The following ZNF423 variants were observed in gnomAD, a reference collection of about 807,000 sequenced individuals.
ZNF423 encodes the protein zinc finger protein 423.
ZNF423 carries 12 observed loss-of-function variants against 95.8 expected under a neutral mutation model. The ratio of observed to expected loss-of-function variants is 0.13; its 90% CI spans 0.08 to 0.20. ZNF423 has a LOEUF of 0.20. Among genes scored for constraint, ZNF423 ranks in the 10% least tolerant of loss-of-function variants. ZNF423 has a pLI of 1.00. For missense variants in ZNF423, 1,316 were observed against 1,737.1 expected, an observed-to-expected ratio of 0.76 and a Z score of 4.31; for synonymous variants, 749 against 711.9, an observed-to-expected ratio of 1.05 and a Z score of -0.83.
chr16:49,767,109 G>A (rs763773602), intron 2 of ZNF423, among the ~76,000 whole-genome samples: 9 of 151,942 alleles, frequency 5.9e-5, no homozygotes, highest in African/African-American at 1.7e-4. Flanking sequence ...TGTGCCACTC[G>A]TGCACAGATA....
intron 1 of ZNF423, among the ~76,000 whole-genome samples, chr16:49,822,913 C>T (rs190565297): frequency 7.7e-4 from 117 of 152,288 alleles, no homozygotes; most frequent in Non-Finnish European, 1.5e-4. Context: ...TCCAGATACA[C>T]AAGTGAATTT....
chr16:49,606,459 C>T (rs1252085474), intron 5 of ZNF423, among the ~76,000 whole-genome samples: 1 of 152,184 alleles, frequency 6.6e-6, no homozygotes, highest in Admixed American at 6.5e-5. Context: ...CAGAATGTTT[C>T]AACAACTGGT....
chr16:49,627,637 C>A (rs763862998), intron 4 of ZNF423, among the ~76,000 whole-genome samples: 1 of 148,142 alleles, frequency 6.8e-6, no homozygotes, highest in Admixed American at 6.7e-5. Context: ...TCTACCCGTC[C>A]GTCTCCCCAC....
At chr16:49,692,376 C>T (rs796455756) in intron 3 of ZNF423, among the ~76,000 whole-genome samples, 14 of 152,238 alleles carry the variant, frequency 9.2e-5, no homozygotes, top group South Asian at 4.2e-4. Context: ...GCACACAGCC[C>T]GATGCAGAGC....
At chr16:49,851,175 T>G (rs1358019865) in intron 1 of ZNF423, among the ~76,000 whole-genome samples, 2 of 152,236 alleles carry the variant, frequency 1.3e-5, no homozygotes, top group African/African-American at 4.8e-5. Context: ...TAAACAGAAT[T>G]TGAACAGGTG....
chr16:49,661,811 C>T (rs1302860711), intron 3 of ZNF423, among the ~76,000 whole-genome samples: 2 of 152,200 alleles, frequency 1.3e-5, no homozygotes, highest in African/African-American at 4.8e-5. Context: ...GCCAGAGAGC[C>T]TCCGTTCAAA....
At chr16:49,692,294 T>C (rs1198474979) in intron 3 of ZNF423, among the ~76,000 whole-genome samples, 3 of 152,192 alleles carry the variant, frequency 2.0e-5, no homozygotes, top group African/African-American at 7.2e-5. Context: ...ATATGAGGAC[T>C]TCTTCCCATG....
At chr16:49,725,700 C>T (rs1022462600) in intron 3 of ZNF423, among the ~76,000 whole-genome samples, 1 of 152,184 alleles carries the variant, frequency 6.6e-6, no homozygotes. Flanking sequence ...GGCAGAGTCC[C>T]ATAGTGCCTC....
chr16:49,608,851 ATGGAGATC>A (rs1971624407), intron 5 of ZNF423, among the ~76,000 whole-genome samples: 2 of 152,224 alleles, frequency 1.3e-5, no homozygotes, highest in Non-Finnish European at 1.5e-5. Flanking sequence ...CAAAGGCTGA[ATGGAGATC>A]TGAGACTGCC....
At chr16:49,627,782 CTA>C (rs1972350923) in intron 4 of ZNF423, among the ~76,000 whole-genome samples, 1 of 148,642 alleles carries the variant, frequency 6.7e-6, no homozygotes, top group African/African-American at 2.5e-5. Flanking sequence ...ATCCACCCAT[CTA>C]CATACATTCC....
At chr16:49,703,160 A>G (rs1219575352) in intron 3 of ZNF423, among the ~76,000 whole-genome samples, 1 of 152,180 alleles carries the variant, frequency 6.6e-6, no homozygotes, top group Non-Finnish European at 1.5e-5. Context: ...GTGCACCAGG[A>G]CCAGAGAGGC....
intron 3 of ZNF423, chr16:49,711,770 G>C (rs151143366): frequency 4.5e-4 from 68 of 152,318 alleles, no homozygotes; most frequent in African/African-American, 1.5e-3. Context: ...AGTTAACAAG[G>C]GGGTGGGGAC....
chr16:49,788,167 C>A (rs1210935979), intron 2 of ZNF423, among the ~76,000 whole-genome samples: 2 of 152,188 alleles, frequency 1.3e-5, no homozygotes, highest in African/African-American at 2.4e-5. Flanking sequence ...ATGGAGGAAG[C>A]CCCTGTCACC....
At chr16:49,797,044 G>A (rs2034509530) in intron 1 of ZNF423, among the ~76,000 whole-genome samples, 1 of 152,100 alleles carries the variant, frequency 6.6e-6, no homozygotes, top group Non-Finnish European at 1.5e-5. Flanking sequence ...TCCCAGCAGA[G>A]GTGGTGGCCA....
intron 1 of ZNF423, among the ~76,000 whole-genome samples, chr16:49,806,502 A>C (rs1211003788): frequency 6.6e-6 from 1 of 152,196 alleles, no homozygotes; most frequent in African/African-American, 2.4e-5. Context: ...CAACCCCTTA[A>C]CAGCTTGTCC....
Position 49,822,173 on chromosome 16 carries a change from ATT to A in ZNF423, c.41-32629_41-32628del, listed in dbSNP as rs34004656. 1.7e-3 allele frequency among the ~76,000 whole-genome samples: 245 copies of A among 143,084 alleles called. 4 individuals are homozygous for A. The South Asian group carries it at 0.027, about 16-fold the overall frequency. 93.9% of individuals were successfully genotyped at this position (143,084 alleles called of 152,430 possible). ...GTTTGCCTAAGTCACCCCCGCAGGA[ATT>A]TTTTTTTTTTTTTTCTGAAATGGAG... is the stretch of plus-strand genomic sequence containing the variant. On this transcript the variant is annotated intron_variant, in intron 1 of 7. Coordinates refer to ENST00000563137, the MANE Select transcript of ZNF423 (RefSeq NM_001379286.1).
chr16:49,651,955 T>C (rs561997234), intron 3 of ZNF423, among the ~76,000 whole-genome samples: 2 of 152,142 alleles, frequency 1.3e-5, no homozygotes, highest in South Asian at 4.1e-4. Context: ...CTGCCAAAAT[T>C]CTCAGAGGGC....
intron 1 of ZNF423, among the ~76,000 whole-genome samples, chr16:49,839,488 C>T (rs2035160127): frequency 6.6e-6 from 1 of 152,182 alleles, no homozygotes; most frequent in Non-Finnish European, 1.5e-5. Context: ...GGGTGGCGCT[C>T]ACAGCAGGCA....
At position 49,635,004 on chromosome 16, in the gene ZNF423, G is replaced by A. The variant is rs769224926; in HGVS notation, c.3516+656C>T. On this transcript the variant is annotated intron_variant, in intron 4 of 7. Coordinates refer to ENST00000563137, the MANE Select transcript of ZNF423 (RefSeq NM_001379286.1). This position sits in a 1 kb window ranked among gnomAD's most constrained non-coding sequence, Gnocchi z 4.8. ...GATGAACAGGGAAAATTTGATGAAC[G>A]AATCAATCAGTCATTAACAATAACA... Among the ~76,000 whole-genome samples, 3 of 152,168 alleles carry A rather than the reference G, an allele frequency of 2.0e-5. No homozygotes were observed. Among genetic ancestry groups the A allele is most frequent in the Non-Finnish European group, 2.9e-5 (2 of 68,040 alleles).
Sources: gnomAD v4.1 joint callset for allele counts (sites outside exome capture counted in the v4.1 genomes callset) on GRCh38, gnomAD v4.1.1 for gene constraint, Gnocchi (gnomAD v3.1) non-coding constraint, MANE v1.5 for transcripts, NCBI Gene and HGNC (gene_info 2026-07-23, HGNC 2026-07-21) for gene names.